CYP46A1: variants seen among roughly 807,000 people sequenced by gnomAD.
The protein encoded by CYP46A1 is cytochrome P450 family 46 subfamily A member 1.
A neutral mutation model predicts 63.3 loss-of-function variants in CYP46A1; 20 were observed. The observed-to-expected ratio is 0.32, with a 90% CI of 0.22 to 0.46. The LOEUF (loss-of-function observed/expected upper bound fraction) is 0.46. CYP46A1 is among the 20% of genes least tolerant of loss of function. The pLI, the probability that CYP46A1 is intolerant of heterozygous loss-of-function variation, is 1.00. For missense variants in CYP46A1, 445 were observed against 670.8 expected, an observed-to-expected ratio of 0.66 and a Z score of 3.72; for synonymous variants, 268 against 273.6, an observed-to-expected ratio of 0.98 and a Z score of 0.20.
chr14:99,691,231 A>G, intron 2 of CYP46A1, 70 bp downstream of exon 2: 3 of 1,475,188 alleles, frequency 2.0e-6, no homozygotes, highest in Non-Finnish European at 2.8e-6. Flanking sequence ...AACCCAATCC[A>G]GCACACAGAC....
intron 5 of CYP46A1, among the ~76,000 whole-genome samples, chr14:99,704,132 A>G (rs1281164638): frequency 6.6e-6 from 1 of 152,232 alleles, no homozygotes; most frequent in Non-Finnish European, 1.5e-5. Flanking sequence ...GCTTTCACAG[A>G]CATTTTTATT....
chr14:99,700,186 A>T (rs1013844758), intron 5 of CYP46A1, 85 bp downstream of exon 5: 1 of 1,065,164 alleles, frequency 9.4e-7, no homozygotes, highest in African/African-American at 1.6e-5. Context: ...TGGGGAGGGA[A>T]GTGTCCACCC....
At chr14:99,721,168 C>A in intron 10 of CYP46A1, 71 bp from the exon 11 acceptor site, 1 of 1,106,540 alleles carries the variant, frequency 9.0e-7, no homozygotes, top group Non-Finnish European at 1.4e-6. Context: ...TCCAGTGCCC[C>A]CTTCTTAAAG....
At chr14:99,726,103 G>C in intron 13 of CYP46A1, 87 bp from the exon 14 acceptor site, 1 of 1,235,054 alleles carries the variant, frequency 8.1e-7, no homozygotes, top group Non-Finnish European at 1.2e-6. Context: ...TGTTCATCCA[G>C]ACCTGGGTTA....
rs907258554 is a variant in CYP46A1 at position 99,726,606 on chromosome 14, G to A, written c.1382G>A (p.Arg461Gln). 6.9e-6 allele frequency: 11 copies of A among 1,585,694 alleles called. No individual in the cohort carries two copies. The highest frequency in any genetic ancestry group is 4.6e-5 in the East Asian group (2 of 43,692). ...AAGCTGCTGCAGAGGCTGGAGTTCC[G>A]GCTGGTGCCCGGGCAGCGCTTCGGG... Reference protein sequence around the residue: ...MAKLLQRLEFRLVPGQRFGLQ... With the variant: ...MAKLLQRLEFQLVPGQRFGLQ... Residue 461 changes from arginine to glutamine, a missense_variant, in exon 15 of 15, where the codon CGG (arginine) becomes CAG (glutamine). Transcript: ENST00000261835.
intron 1 of CYP46A1, 90 bp downstream of exon 1, chr14:99,684,626 GGCCTCGCCTAGT>G: frequency 1.7e-6 from 2 of 1,191,412 alleles, no homozygotes; most frequent in Non-Finnish European, 2.3e-6. Context: ...CCGGGGGTCC[GGCCTCGCCTAGT>G]GCGCGCGGCC....
At position 99,684,555 on chromosome 14, in the gene CYP46A1, G is replaced by A. The variant is rs1362241342; in HGVS notation, c.119+19G>A. 4 of 1,441,570 alleles carry A rather than the reference G, an allele frequency of 2.8e-6. No homozygotes were observed. Among genetic ancestry groups the A allele is most frequent in the Non-Finnish European group, 3.6e-6 (4 of 1,099,304 alleles). The allele number at this position is 1,441,570 out of a possible 1,614,324, so 89.3% of individuals were successfully genotyped here. Reference sequence around the variant, plus strand: ...GGCCCAGGTGAGCGGGGCTGGGGGCGGGGCCTGGCTGGGGTGCTGGGACTG... The same window carrying A: ...GGCCCAGGTGAGCGGGGCTGGGGGCAGGGCCTGGCTGGGGTGCTGGGACTG... On this transcript the variant is annotated intron_variant, in intron 1 of 14. Transcript: ENST00000261835.
chr14:99,726,125 C>T, intron 13 of CYP46A1, 65 bp from the exon 14 acceptor site: 2 of 1,434,492 alleles, frequency 1.4e-6, no homozygotes, highest in Non-Finnish European at 2.0e-6. Flanking sequence ...CTACTGTCTT[C>T]CTTATGTTGT....
intron 5 of CYP46A1, among the ~76,000 whole-genome samples, chr14:99,702,140 C>T (rs1204948138): frequency 6.6e-6 from 1 of 151,276 alleles, no homozygotes; most frequent in Non-Finnish European, 1.5e-5. Context: ...CTGGCAACCA[C>T]TAATTACCTT....
rs759593912 is a variant in CYP46A1 at position 99,722,541 on chromosome 14, A to G, written c.1176+475A>G. Reference sequence around the variant, plus strand: ...CATTCATCCAGGCATTTACTCATGTATGATAGCCCCTAAACCCACCCCCAA... The same window carrying G: ...CATTCATCCAGGCATTTACTCATGTGTGATAGCCCCTAAACCCACCCCCAA... On this transcript the variant is annotated intron_variant, in intron 12 of 14. Transcript: ENST00000261835. This position sits in a 1 kb window ranked among gnomAD's most constrained non-coding sequence, Gnocchi z 4.6. 9.2e-5 allele frequency among the ~76,000 whole-genome samples: 14 copies of G among 151,842 alleles called. No homozygotes were observed. The highest frequency in any genetic ancestry group is 1.9e-4 in the Non-Finnish European group (13 of 67,994).
intron 10 of CYP46A1, among the ~76,000 whole-genome samples, chr14:99,720,833 C>G (rs1238863331): frequency 6.6e-6 from 1 of 152,062 alleles, no homozygotes; most frequent in East Asian, 1.9e-4. Flanking sequence ...CCTGTAATCC[C>G]AGCACTTTGG....
chr14:99,704,240 C>T (rs1261256640), intron 5 of CYP46A1, among the ~76,000 whole-genome samples: 1 of 152,174 alleles, frequency 6.6e-6, no homozygotes, highest in Non-Finnish European at 1.5e-5. Flanking sequence ...TATTACGCAA[C>T]CATCACCAGA....
At position 99,722,847 on chromosome 14, in the gene CYP46A1, G is replaced by A; in HGVS notation, c.1176+781G>A. 1 of 437,568 alleles carries A rather than the reference G, an allele frequency of 2.3e-6. No homozygotes were observed. Among genetic ancestry groups the A allele is most frequent in the Non-Finnish European group, 4.7e-6 (1 of 212,924 alleles). 27.1% of individuals were successfully genotyped at this position (437,568 alleles called of 1,614,324 possible). A position where few individuals can be genotyped will look rare whatever the true frequency, so the allele number is the denominator to read the frequency against. ...GGTGTCCAGTTTGTCCCTATCTCGA[G>A]CACCACAGCAACGATGCCATTTCTG... On this transcript the variant is annotated intron_variant, in intron 12 of 14. Transcript: ENST00000261835. The surrounding 1 kb of genome is among the most constrained non-coding windows in gnomAD (Gnocchi z 4.6).
chr14:99,708,692 G>A (rs1036760709), intron 7 of CYP46A1: 1 of 154,912 alleles, frequency 6.5e-6, no homozygotes, highest in African/African-American at 2.4e-5. Context: ...CTGGAGGCCT[G>A]GGGATTGGCT....
intron 5 of CYP46A1, among the ~76,000 whole-genome samples, 163 bp downstream of exon 5, chr14:99,700,264 GGA>G (rs34779504): frequency 0.78 from 117,333 of 151,034 alleles, 45,988 homozygotes; most frequent in South Asian, 0.91. Flanking sequence ...TAGTCAAAAG[GGA>G]GAGAGAGAGA....
chr14:99,723,109 T>G (rs1336588087), intron 12 of CYP46A1: 2 of 266,896 alleles, frequency 7.5e-6, no homozygotes, highest in Admixed American at 4.4e-5. Context: ...CAAATATGTG[T>G]TTTTAAAAAA....
intron 10 of CYP46A1, 118 bp downstream of exon 10, chr14:99,718,244 C>A: frequency 1.2e-6 from 1 of 809,692 alleles, no homozygotes; most frequent in Non-Finnish European, 2.0e-6. Flanking sequence ...TCCCCTGGGC[C>A]TTGGCACATG....
At chr14:99,706,491 A>C (rs1284758519) in intron 5 of CYP46A1, 156 bp from the exon 6 acceptor site, 2 of 894,478 alleles carry the variant, frequency 2.2e-6, no homozygotes, top group Non-Finnish European at 3.4e-6. Flanking sequence ...CTACAACTCC[A>C]ACCTGCAATC....
chr14:99,726,183 C>T lies in CYP46A1; in HGVS notation c.1266-7C>T, dbSNP rs770929410. 1.2e-5 allele frequency: 20 copies of T among 1,613,722 alleles called. No individual in the cohort carries two copies. Among genetic ancestry groups the T allele is most frequent in the Non-Finnish European group, 1.6e-5 (19 of 1,179,858 alleles). On this transcript the variant is annotated splice_polypyrimidine_tract_variant and splice_region_variant and intron_variant, in intron 13 of 14. Coordinates refer to ENST00000261835, the MANE Select transcript of CYP46A1 (RefSeq NM_006668.2). ...GCTGGCCTCGTGATTCCTCTCTTTC[C>T]CTGCAGGCCACGGTTCACCTACTTC...
Sources: allele counts gnomAD v4.1 joint callset (sites outside exome capture counted in the v4.1 genomes callset), GRCh38; gene constraint gnomAD v4.1.1; non-coding constraint Gnocchi (gnomAD v3.1); transcripts MANE v1.5; gene names NCBI Gene and HGNC (gene_info 2026-07-23, HGNC 2026-07-21).